MCAT: variants seen among roughly 807,000 people sequenced by gnomAD.
MCAT encodes the protein malonyl-CoA-acyl carrier protein transacylase, also known as malonyl-CoA-acyl carrier protein transacylase, mitochondrial.
In MCAT, 22 loss-of-function variants were observed where a neutral mutation model predicts 22.9. The observed-to-expected ratio is 0.96, with a 90% CI of 0.69 to 1.37. The LOEUF (loss-of-function observed/expected upper bound fraction) is 1.37, where lower values mean the gene tolerates loss of function less well. Ranked by LOEUF, MCAT falls within the 40% of genes most tolerant of loss-of-function variation. The pLI, the probability that MCAT is intolerant of heterozygous loss-of-function variation, is 0.00. For synonymous variants in MCAT, 240 were observed against 233.9 expected (o/e 1.03, Z -0.24); for missense variants, 534 against 533.6 (o/e 1.00, Z -0.01).
intron 1 of MCAT, 126 bp downstream of exon 1, chr22:43,142,800 A>AAAC (rs1196201047): frequency 1.2e-5 from 13 of 1,073,912 alleles, no homozygotes; most frequent in Middle Eastern, 5.6e-4. Context: ...AACAAACAAA[A>AAAC]AAAAAAACTC....
In MCAT at chr22:43,136,743, C is replaced by A. The variant is rs150358939; in HGVS notation, c.729+338G>T. 1.3e-4 allele frequency among the ~76,000 whole-genome samples: 20 copies of A among 152,344 alleles called. No individual in the cohort carries two copies. The East Asian group carries it at 2.3e-3, about 18-fold the overall frequency. On this transcript the variant is annotated intron_variant, in intron 3 of 3. Coordinates refer to ENST00000290429, the MANE Select transcript of MCAT (RefSeq NM_173467.5). ...CAGAGCAATCTAGCAGAAAACAAAT[C>A]TCTTTTCTCTAAGGAAGCAACCAGA...
At chr22:43,141,339 C>A in intron 1 of MCAT, 90 bp from the exon 2 acceptor site, 1 of 1,084,152 alleles carries the variant, frequency 9.2e-7, no homozygotes, top group Admixed American at 1.8e-5. Flanking sequence ...GGGTGTTCAG[C>A]ATCTCAGTGA....
rs369123320 is a variant in MCAT at position 43,137,735 on chromosome 22, GTT to G, written c.512-439_512-438del. ...AATGACCTGGCCCAATAGCGCCACT[GTT>G]TTTTTTTTTTTTTAAATAGTGCCAC... On this transcript the variant is annotated intron_variant, in intron 2 of 3. Transcript: ENST00000290429. Among the ~76,000 whole-genome samples the G allele has an allele frequency of 7.4e-3, 1,076 of 146,392 alleles. 11 individuals carry two copies. Among genetic ancestry groups the G allele is most frequent in the African/African-American group, 0.023 (909 of 39,704 alleles).
chr22:43,133,266 G>A lies in MCAT; in HGVS notation c.950C>T (p.Ala317Val), dbSNP rs1930505094. ...RHPGHIHKLL[A>V]QQLVSPVKWE... Reference sequence around the variant, plus strand: ...CTTCACTGGGGAGACCAGCTGCTGGGCCAGCAGCTTGTGGATGTGCCCGGG... The same window carrying A: ...CTTCACTGGGGAGACCAGCTGCTGGACCAGCAGCTTGTGGATGTGCCCGGG... Residue 317 changes from alanine to valine, a missense_variant, in exon 4 of 4, where the codon GCC becomes GTC. Ala to Val is a moderately conservative substitution (Grantham distance 64). Coordinates refer to ENST00000290429, the MANE Select transcript of MCAT (RefSeq NM_173467.5). 6.2e-7 allele frequency: 1 copy of A among 1,614,090 alleles called. No individual in the cohort carries two copies.
Position 43,141,261 on chromosome 22 carries a change from G to T in MCAT, c.424-12C>A, listed in dbSNP as rs757975409. The T allele has an allele frequency of 1.9e-6, 3 of 1,610,266 alleles. No homozygotes were observed. The East Asian group carries it at 6.7e-5, about 36-fold the overall frequency. ...CAGTTCTCAATCACCTGTGGGGACA[G>T]ATGCAGAACGTGAGCCCTCACTCTC... On this transcript the variant is annotated splice_polypyrimidine_tract_variant and intron_variant, in intron 1 of 3. Coordinates refer to ENST00000290429, the MANE Select transcript of MCAT (RefSeq NM_173467.5).
chr22:43,136,373 C>G lies in MCAT; in HGVS notation c.729+708G>C, dbSNP rs185131860. ...ACACGGGCTGCAATCTGCGCTCACT[C>G]AGCATTCCCTGAGCCAGGCACTCAG... On this transcript the variant is annotated intron_variant, in intron 3 of 3. Coordinates refer to ENST00000290429, the MANE Select transcript of MCAT (RefSeq NM_173467.5). Among the ~76,000 whole-genome samples, 637 of 152,386 alleles carry G rather than the reference C, an allele frequency of 4.2e-3. 1 individual carries two copies. The highest frequency in any genetic ancestry group is 7.5e-3 in the Non-Finnish European group (507 of 68,036).
In MCAT at chr22:43,143,134, C is replaced by A; in HGVS notation, c.215G>T (p.Ser72Ile). Reference protein sequence around the residue: ...CSVLLFPGQGSQVVGMGRGLL... With the variant: ...CSVLLFPGQGIQVVGMGRGLL... ...ACCGCGGCCCATGCCCACCACCTGG[C>A]TGCCCTGGCCCGGGAAGAGCAGCAC... The change falls in exon 1 of 4, where the codon AGC (serine) becomes ATC (isoleucine). Residue 72 changes from serine (S) to isoleucine (I), a missense_variant. Physicochemically the swap from Ser to Ile is moderately radical, Grantham distance 142. Transcript: ENST00000290429. The A allele has an allele frequency of 6.3e-7, 1 of 1,596,526 alleles. No homozygotes were observed. The highest frequency in any genetic ancestry group is 8.5e-7 in the Non-Finnish European group (1 of 1,176,130).
intron 2 of MCAT, among the ~76,000 whole-genome samples, chr22:43,140,647 C>T (rs779071299): frequency 1.3e-5 from 2 of 152,096 alleles, no homozygotes; most frequent in African/African-American, 4.8e-5. Context: ...CTGCACCCAA[C>T]GTAATTTTTG....
chr22:43,140,819 A>T (rs1930745590), intron 2 of MCAT: 1 of 206,896 alleles, frequency 4.8e-6, no homozygotes, highest in African/African-American at 2.3e-5. Context: ...TAAAACTGAT[A>T]TGGCTCCAGA....
chr22:43,137,947 C>G (rs56015807), intron 2 of MCAT, among the ~76,000 whole-genome samples: 6,743 of 152,140 alleles, frequency 0.044, 524 homozygotes, highest in African/African-American at 0.16. Context: ...GAGATCAGGC[C>G]GGGCATGGTG....
At chr22:43,137,682 G>T (rs1422192623) in intron 2 of MCAT, among the ~76,000 whole-genome samples, 1 of 152,004 alleles carries the variant, frequency 6.6e-6, no homozygotes, top group African/African-American at 2.4e-5. Context: ...CACTGCACAG[G>T]TCAGCCCCCC....
At chr22:43,136,030 C>T (rs780790109) in intron 3 of MCAT, among the ~76,000 whole-genome samples, 3 of 152,124 alleles carry the variant, frequency 2.0e-5, no homozygotes, top group Non-Finnish European at 4.4e-5. Context: ...ATCCCTTGAG[C>T]CCAGTAGTTC....
At chr22:43,142,018 G>C (rs1029797570) in intron 1 of MCAT, among the ~76,000 whole-genome samples, 1 of 152,240 alleles carries the variant, frequency 6.6e-6, no homozygotes, top group African/African-American at 2.4e-5. Context: ...TGAATATTAT[G>C]ATGACGATTC....
Position 43,143,226 on chromosome 22 carries a change from A to C in MCAT, c.123T>G (p.Asp41Glu), listed in dbSNP as rs751785691. The C allele has an allele frequency of 5.9e-6, 9 of 1,518,378 alleles. No homozygotes were observed. The South Asian group carries it at 8.7e-5, about 15-fold the overall frequency. 94.1% of individuals were successfully genotyped at this position (1,518,378 alleles called of 1,614,324 possible). ...GAQGVAELLR[D>E]ATGAEEEAPW... ...GCGCCTCCTCCTCCGCCCCGGTCGC[A>C]TCTCGCAGCAGCTCCGCTACACCCT... Residue 41 changes from aspartate to glutamate, a missense_variant, in exon 1 of 4, where the codon GAT (aspartate) becomes GAG (glutamate). Asp to Glu is a conservative substitution (Grantham distance 45, BLOSUM62 2). Transcript: ENST00000290429.
At chr22:43,137,022 A>G in intron 3 of MCAT, 59 bp downstream of exon 3, 6 of 1,436,170 alleles carry the variant, frequency 4.2e-6, no homozygotes, top group Non-Finnish European at 5.9e-6. Flanking sequence ...ACGGGTGTGG[A>G]GCAGTTCCAA....
chr22:43,142,551 C>G (rs1335231819), intron 1 of MCAT, among the ~76,000 whole-genome samples: 1 of 151,972 alleles, frequency 6.6e-6, no homozygotes, highest in East Asian at 1.9e-4. Flanking sequence ...CTTTGGGAGG[C>G]CGAGGCGGGC....
At chr22:43,141,985 C>T (rs1930781907) in intron 1 of MCAT, among the ~76,000 whole-genome samples, 1 of 152,200 alleles carries the variant, frequency 6.6e-6, no homozygotes, top group Non-Finnish European at 1.5e-5. Flanking sequence ...TTAGCACAGA[C>T]CCAGACTAGG....
At chr22:43,141,112 TA>T in intron 2 of MCAT, 49 bp downstream of exon 2, 1 of 1,525,322 alleles carries the variant, frequency 6.6e-7, no homozygotes, top group Non-Finnish European at 9.1e-7. Context: ...CCCTTACCCC[TA>T]ATGAGCCCAA....
chr22:43,133,807 CTT>C (rs59733103), intron 3 of MCAT, among the ~76,000 whole-genome samples: 23 of 141,174 alleles, frequency 1.6e-4, no homozygotes, highest in Admixed American at 2.1e-4. Flanking sequence ...AATGAGAATT[CTT>C]TTTTTTTTTT....
Sources: gnomAD v4.1 joint callset for allele counts (sites outside exome capture counted in the v4.1 genomes callset) on GRCh38, gnomAD v4.1.1 for gene constraint, MANE v1.5 for transcripts, NCBI Gene and HGNC (gene_info 2026-07-23, HGNC 2026-07-21) for gene names.